Variants in GBF1 observed in about 807,000 individuals in gnomAD.
GBF1 encodes the protein golgi brefeldin A resistant guanine nucleotide exchange factor 1.
In GBF1, 114 loss-of-function variants were observed where a neutral mutation model predicts 210.5. The ratio of observed to expected loss-of-function variants is 0.54; its 90% CI spans 0.47 to 0.63. The LOEUF is 0.63. Among genes scored for constraint, GBF1 ranks in the 30% least tolerant of loss-of-function variants. GBF1 has a pLI of 0.00. For missense variants in GBF1, 1,851 were observed against 2,357.7 expected (o/e 0.79, Z 4.45); for synonymous variants, 850 against 889.2 (o/e 0.96, Z 0.78).
chr10:102,343,140 C>G (rs559051124), intron 3 of GBF1, among the ~76,000 whole-genome samples: 9 of 152,284 alleles, frequency 5.9e-5, no homozygotes, highest in African/African-American at 2.2e-4. Context: ...TTACGAACTT[C>G]CAAGATTACA....
chr10:102,288,739 A>C (rs11595791), intron 3 of GBF1, among the ~76,000 whole-genome samples: 13,913 of 149,552 alleles, frequency 0.093, 1,032 homozygotes, highest in Non-Finnish European at 0.13. Flanking sequence ...AAAAAAACAA[A>C]AAAAAAAAAC....
In GBF1 at chr10:102,358,606, C is replaced by T. The variant is rs776022982; in HGVS notation, c.888C>T (p.Phe296=). 1 of 1,613,520 alleles carries T rather than the reference C, an allele frequency of 6.2e-7. No individual in the cohort carries two copies. Among genetic ancestry groups the T allele is most frequent in the Non-Finnish European group, 8.5e-7 (1 of 1,179,420 alleles). ...VSPSTDSGLE[F]SSQTTSKEDL... ...CCTCTACAGACAGTGGCCTGGAATT[C>T]TCCTCCCAAACCACTTCCAAGGAAG... The change falls in exon 10 of 40, where the codon TTC becomes TTT. Residue 296 remains phenylalanine (F), a synonymous_variant. Transcript: ENST00000369983.
At chr10:102,274,532 TGACCACATCACAGACG>T (rs993315276) in intron 3 of GBF1, among the ~76,000 whole-genome samples, 7 of 152,010 alleles carry the variant, frequency 4.6e-5, no homozygotes, top group Non-Finnish European at 1.0e-4. Flanking sequence ...CATCACAGAC[TGACCACATCACAGACG>T]GACCACAACT....
Position 102,363,255 on chromosome 10 carries a change from G to A in GBF1, c.1877-1G>A. On this transcript the variant is annotated splice_acceptor_variant, in intron 15 of 39. Coordinates refer to ENST00000369983, the MANE Select transcript of GBF1 (RefSeq NM_001377137.1). LOFTEE classifies it high-confidence loss of function. The surrounding 1 kb of genome is among the most constrained non-coding windows in gnomAD (Gnocchi z 4.2). ...TCACGTATCTTCTTCTCTCTTACCA[G>A]CTGAGAGAACTGCCAGCGATGGGAA... 10 of 1,611,172 alleles carry A rather than the reference G, an allele frequency of 6.2e-6. No individual in the cohort carries two copies. The highest frequency in any genetic ancestry group is 8.5e-6 in the Non-Finnish European group (10 of 1,178,512).
At chr10:102,335,420 C>A (rs1441013498) in intron 3 of GBF1, among the ~76,000 whole-genome samples, 2 of 152,204 alleles carry the variant, frequency 1.3e-5, no homozygotes, top group African/African-American at 4.8e-5. Flanking sequence ...ATTCAGCCTG[C>A]TTACTATGAG....
intron 7 of GBF1, 64 bp from the exon 8 acceptor site, chr10:102,353,536 C>T: frequency 8.8e-7 from 1 of 1,133,662 alleles, no homozygotes; most frequent in Non-Finnish European, 1.3e-6. Context: ...TGGTTTGTGG[C>T]TGGCATGGAG....
chr10:102,231,822 C>G, the GBF1 span: 2 of 1,591,178 alleles, frequency 1.3e-6, no homozygotes, highest in Non-Finnish European at 1.7e-6. Flanking sequence ...GGTCACAGAG[C>G]GCCCAAGCCA....
chr10:102,344,318 G>T, intron 4 of GBF1, 136 bp downstream of exon 4: 2 of 748,954 alleles, frequency 2.7e-6, no homozygotes, highest in Non-Finnish European at 4.5e-6. Context: ...AAGAGAAATA[G>T]GATTGTTGTT....
intron 3 of GBF1, among the ~76,000 whole-genome samples, chr10:102,332,329 G>A (rs2057394008): frequency 6.6e-6 from 1 of 151,744 alleles, no homozygotes. Flanking sequence ...TTTGATCTGT[G>A]GTTGATCGTG....
chr10:102,266,515 G>T (rs887806705), intron 3 of GBF1, among the ~76,000 whole-genome samples: 1 of 152,158 alleles, frequency 6.6e-6, no homozygotes, highest in South Asian at 2.1e-4. Context: ...AATGACTCTA[G>T]CTGATCATTC....
chr10:102,284,691 C>A (rs1418312322), intron 3 of GBF1, among the ~76,000 whole-genome samples: 1 of 152,068 alleles, frequency 6.6e-6, no homozygotes, highest in African/African-American at 2.4e-5. Context: ...ACCATTTCTT[C>A]CTTTTGGCAA....
the GBF1 span, chr10:102,231,904 C>T: frequency 6.4e-7 from 1 of 1,553,032 alleles, no homozygotes; most frequent in Non-Finnish European, 8.8e-7. Flanking sequence ...AGCCGGGGTC[C>T]CACCCGCACT....
chr10:102,300,752 C>T (rs1289209782), intron 3 of GBF1, among the ~76,000 whole-genome samples: 3 of 152,156 alleles, frequency 2.0e-5, no homozygotes, highest in East Asian at 1.9e-4. Flanking sequence ...AGCAAAGCTC[C>T]GTCGTCATTC....
chr10:102,369,637 G>T (rs2060097505), intron 24 of GBF1, 74 bp from the exon 25 acceptor site: 1 of 1,382,846 alleles, frequency 7.2e-7, no homozygotes, highest in Admixed American at 1.8e-5. Flanking sequence ...GAAATCCAGA[G>T]AACTTTGGTG....
At chr10:102,280,631 T>C (rs751801032) in intron 3 of GBF1, among the ~76,000 whole-genome samples, 13 of 152,204 alleles carry the variant, frequency 8.5e-5, no homozygotes, top group Admixed American at 3.3e-4. Flanking sequence ...GTACCTCTTG[T>C]CTCCCCAGTC....
intron 3 of GBF1, among the ~76,000 whole-genome samples, chr10:102,314,176 C>T (rs1043339420): frequency 7.9e-5 from 10 of 127,332 alleles, no homozygotes; most frequent in African/African-American, 1.7e-4. Context: ...GTCAGGATTA[C>T]GCTCTTTTGC....
rs957732820 is a variant in GBF1, at chr10:102,366,766, T to C, written c.2433+260T>C. ...CAAGCCTGGCTAATTTTTGTATTTTTAGTAGAGATGGGTTTTGCCATGTTG... is the reference window on the plus strand; with the variant it reads ...CAAGCCTGGCTAATTTTTGTATTTTCAGTAGAGATGGGTTTTGCCATGTTG... On this transcript the variant is annotated intron_variant, in intron 19 of 39. Transcript: ENST00000369983. This position sits in a 1 kb window ranked among gnomAD's most constrained non-coding sequence, Gnocchi z 4.0. Among the ~76,000 whole-genome samples the C allele has an allele frequency of 6.6e-6, 1 of 152,124 alleles. No individual in the cohort carries two copies. Among genetic ancestry groups the C allele is most frequent in the Non-Finnish European group, 1.5e-5 (1 of 68,000 alleles).
chr10:102,266,451 T>C (rs1390559532), intron 3 of GBF1, among the ~76,000 whole-genome samples: 1 of 152,164 alleles, frequency 6.6e-6, no homozygotes, highest in African/African-American at 2.4e-5. Context: ...GGGTCTGTAA[T>C]GGTAAACAAT....
At chr10:102,348,985 TAA>T (rs1361577306) in intron 4 of GBF1, among the ~76,000 whole-genome samples, 1 of 151,250 alleles carries the variant, frequency 6.6e-6, no homozygotes, top group East Asian at 2.0e-4. Context: ...CCCATGTCTA[TAA>T]AAAATACAAA....
Sources: gnomAD v4.1 joint callset for allele counts (sites outside exome capture counted in the v4.1 genomes callset) on GRCh38, gnomAD v4.1.1 for gene constraint, Gnocchi (gnomAD v3.1) non-coding constraint, MANE v1.5 for transcripts, NCBI Gene and HGNC (gene_info 2026-07-23, HGNC 2026-07-21) for gene names.